CYP2C19: variants seen among roughly 807,000 people sequenced by gnomAD.
CYP2C19 encodes the protein cytochrome P450 2C19.
In CYP2C19, 59 loss-of-function variants were observed where a neutral mutation model predicts 40.9. The observed-to-expected ratio is 1.44, with a 90% CI of 1.17 to 1.79. The LOEUF (loss-of-function observed/expected upper bound fraction) is 1.79, where lower values mean the gene tolerates loss of function less well. Among genes scored for constraint, CYP2C19 ranks in the 40% most tolerant of loss-of-function variants. The pLI is 0.00. For synonymous variants in CYP2C19, 253 were observed against 208.7 expected (o/e 1.21, Z -1.83); for missense variants, 754 against 596.9 (o/e 1.26, Z -2.74).
intron 5 of CYP2C19, among the ~76,000 whole-genome samples, chr10:94,802,035 G>C (rs142725728): frequency 1.3e-5 from 2 of 152,250 alleles, no homozygotes; most frequent in African/African-American, 4.8e-5. Flanking sequence ...GAGGTGGCCA[G>C]CTTTTATTCC....
chr10:94,767,160 A>G (rs991926592), intron 1 of CYP2C19, among the ~76,000 whole-genome samples: 1 of 152,172 alleles, frequency 6.6e-6, no homozygotes, highest in Admixed American at 6.5e-5. Flanking sequence ...CAACAAGGTC[A>G]TGGACAAAAG....
chr10:94,823,587 G>A (rs993183677), intron 6 of CYP2C19, among the ~76,000 whole-genome samples: 1 of 152,104 alleles, frequency 6.6e-6, no homozygotes, highest in Non-Finnish European at 1.5e-5. Flanking sequence ...TACTCTGCTA[G>A]ACACAGGGTC....
At chr10:94,818,902 C>T (rs1849061949) in intron 5 of CYP2C19, among the ~76,000 whole-genome samples, 2 of 152,196 alleles carry the variant, frequency 1.3e-5, no homozygotes, top group Admixed American at 6.5e-5. Context: ...TGCCTGATTG[C>T]CCTGGCCAGA....
In CYP2C19 at chr10:94,775,235, G is replaced by T. The variant is rs778204929; in HGVS notation, c.331+15G>T. On this transcript the variant is annotated intron_variant, in intron 2 of 8. Coordinates refer to ENST00000371321, the MANE Select transcript of CYP2C19 (RefSeq NM_000769.4). Reference sequence around the variant, plus strand: ...CAGAGGATTTGGTAGGTGTGCAAGTGCCTGTTTCAGCATCTGTCTTGGGGA... The same window carrying T: ...CAGAGGATTTGGTAGGTGTGCAAGTTCCTGTTTCAGCATCTGTCTTGGGGA... 5 of 1,613,884 alleles carry T rather than the reference G, an allele frequency of 3.1e-6. No homozygotes were observed. The highest frequency in any genetic ancestry group is 1.7e-5 in the Admixed American group (1 of 59,988).
At chr10:94,837,361 A>T (rs1473931322) in intron 6 of CYP2C19, among the ~76,000 whole-genome samples, 1 of 151,980 alleles carries the variant, frequency 6.6e-6, no homozygotes, top group Non-Finnish European at 1.5e-5. Flanking sequence ...CTTTAGTTTA[A>T]CTTGAACAGG....
At chr10:94,773,105 A>G (rs1363043355) in intron 1 of CYP2C19, among the ~76,000 whole-genome samples, 1 of 152,188 alleles carries the variant, frequency 6.6e-6, no homozygotes, top group Non-Finnish European at 1.5e-5. Context: ...ACTGGCTGAC[A>G]GGTGCCCAGT....
At chr10:94,775,356 A>T in intron 2 of CYP2C19, 34 bp from the exon 3 acceptor site, 1 of 1,612,770 alleles carries the variant, frequency 6.2e-7, no homozygotes, top group Non-Finnish European at 8.5e-7. Flanking sequence ...CTTGCCTGGG[A>T]TCTCCCTCCT....
intron 5 of CYP2C19, among the ~76,000 whole-genome samples, chr10:94,797,633 G>T (rs1459113220): frequency 1.3e-5 from 2 of 151,626 alleles, no homozygotes; most frequent in Non-Finnish European, 2.9e-5. Context: ...TTTTTTTTTG[G>T]TTGGTAGGCT....
intron 6 of CYP2C19, among the ~76,000 whole-genome samples, chr10:94,828,319 A>G (rs2134275356): frequency 6.6e-6 from 1 of 151,850 alleles, no homozygotes; most frequent in Non-Finnish European, 1.5e-5. Context: ...TAGGTCACTC[A>G]GGATTTGCTT....
intron 5 of CYP2C19, among the ~76,000 whole-genome samples, chr10:94,783,654 T>A (rs1379569375): frequency 6.6e-6 from 1 of 152,156 alleles, no homozygotes; most frequent in Admixed American, 6.5e-5. Flanking sequence ...GATCTATGTG[T>A]CTGTCCTAAT....
At chr10:94,772,293 G>A (rs989166343) in intron 1 of CYP2C19, among the ~76,000 whole-genome samples, 7 of 152,092 alleles carry the variant, frequency 4.6e-5, no homozygotes, top group African/African-American at 1.4e-4. Flanking sequence ...CCCTAAAATG[G>A]GGCTTTGGGC....
At position 94,775,115 on chromosome 10, in the gene CYP2C19, G is replaced by T; in HGVS notation, c.226G>T (p.Val76Leu). The T allele has an allele frequency of 1.2e-6, 2 of 1,614,136 alleles. No homozygotes were observed. The highest frequency in any genetic ancestry group is 1.7e-6 in the Non-Finnish European group (2 of 1,180,032). Residue 76 changes from valine (V) to leucine (L), a missense_variant, in exon 2 of 9, where the codon GTG becomes TTG. Physicochemically the swap from Val to Leu is conservative, Grantham distance 32 (BLOSUM62 1). Transcript: ENST00000371321. ...GTATTTTGGCCTGGAACGCATGGTG[G>T]TGCTGCATGGATATGAAGTGGTGAA... is the stretch of plus-strand genomic sequence containing the variant. Reference protein sequence around the residue: ...TLYFGLERMVVLHGYEVVKEA... With the variant: ...TLYFGLERMVLLHGYEVVKEA...
chr10:94,814,564 T>C (rs1273295458), intron 5 of CYP2C19, among the ~76,000 whole-genome samples: 1 of 151,700 alleles, frequency 6.6e-6, no homozygotes, highest in Non-Finnish European at 1.5e-5. Context: ...TCTCTAGCTA[T>C]GGCCAATATC....
intron 1 of CYP2C19, 113 bp downstream of exon 1, chr10:94,762,986 A>C (rs1484231501): frequency 7.8e-6 from 9 of 1,148,824 alleles, no homozygotes; most frequent in Non-Finnish European, 1.2e-5. Flanking sequence ...AAAGTAAAAT[A>C]CTTTGAAAGG....
chr10:94,809,536 G>T (rs1330556141), intron 5 of CYP2C19, among the ~76,000 whole-genome samples: 1 of 151,870 alleles, frequency 6.6e-6, no homozygotes, highest in Non-Finnish European at 1.5e-5. Flanking sequence ...CTCTCTTCCT[G>T]TTTGAATACC....
At chr10:94,798,212 A>G (rs1431295140) in intron 5 of CYP2C19, among the ~76,000 whole-genome samples, 1 of 152,122 alleles carries the variant, frequency 6.6e-6, no homozygotes, top group Non-Finnish European at 1.5e-5. Context: ...ATTGGTTTCA[A>G]AGAACATCTT....
chr10:94,796,103 G>C (rs1355865788), intron 5 of CYP2C19, among the ~76,000 whole-genome samples: 1 of 152,102 alleles, frequency 6.6e-6, no homozygotes, highest in East Asian at 1.9e-4. Context: ...TATTGCCTAG[G>C]TTTTCTTCTA....
intron 5 of CYP2C19, among the ~76,000 whole-genome samples, chr10:94,809,920 C>T (rs1848889020): frequency 6.6e-6 from 1 of 152,134 alleles, no homozygotes; most frequent in Admixed American, 6.6e-5. Flanking sequence ...CTTGCCCTGT[C>T]ACCCAGGCTG....
chr10:94,772,251 T>C (rs1848343427), intron 1 of CYP2C19, among the ~76,000 whole-genome samples: 1 of 152,168 alleles, frequency 6.6e-6, no homozygotes, highest in Admixed American at 6.5e-5. Flanking sequence ...CCTGCTTGTC[T>C]GAGGAGGGAT....
Sources: gnomAD v4.1 joint callset for allele counts (sites outside exome capture counted in the v4.1 genomes callset) on GRCh38, gnomAD v4.1.1 for gene constraint, MANE v1.5 for transcripts, NCBI Gene and HGNC (gene_info 2026-07-23, HGNC 2026-07-21) for gene names.